ING5: variants seen among roughly 807,000 people sequenced by gnomAD.
ING5 encodes inhibitor of growth protein 5.
In ING5, 17 loss-of-function variants were observed where a neutral mutation model predicts 37.4. The ratio of observed to expected loss-of-function variants is 0.45; its 90% CI spans 0.31 to 0.68. The LOEUF is 0.68. ING5 is among the 30% of genes least tolerant of loss of function. The probability of loss-of-function intolerance (pLI) is 0.05; values close to 1 mark genes in which losing one functional copy is unlikely to be tolerated. For synonymous variants in ING5, 123 were observed against 116.6 expected, an observed-to-expected ratio of 1.06 and a Z score of -0.36; for missense variants, 233 against 311.9, an observed-to-expected ratio of 0.75 and a Z score of 1.91.
exon 1 of ING5, chr2:241,687,407 G>A (rs7597410): frequency 0.6 from 239,955 of 398,820 alleles, 72,702 homozygotes; most frequent in Admixed American, 0.67. Context: ...GGGGCAGGAT[G>A]GGGGGCTGTG....
intron 2 of ING5, among the ~76,000 whole-genome samples, chr2:241,693,087 C>T (rs1331893222): frequency 1.3e-5 from 2 of 151,822 alleles, no homozygotes; most frequent in Non-Finnish European, 1.5e-5. Flanking sequence ...GGTGAAACCC[C>T]GTCTCTACTA....
chr2:241,703,768 G>GA (rs1284437661), intron 1 of ING5, among the ~76,000 whole-genome samples: 2 of 151,956 alleles, frequency 1.3e-5, no homozygotes, highest in African/African-American at 4.8e-5. Context: ...ACCACGCCTG[G>GA]ATAATTTTTG....
chr2:241,719,376 C>G, intron 5 of ING5: 1 of 681,938 alleles, frequency 1.5e-6, no homozygotes, highest in East Asian at 2.7e-5. Flanking sequence ...CCCCCAACAC[C>G]CCCCACTCTG....
chr2:241,695,237 G>A (rs1184782416), intron 2 of ING5, among the ~76,000 whole-genome samples: 1 of 151,886 alleles, frequency 6.6e-6, no homozygotes. Context: ...CGCTGCTACT[G>A]AGACTGCTGT....
At chr2:241,700,062 A>C (rs2069689603), upstream of ING5, among the ~76,000 whole-genome samples, 1 of 151,996 alleles carries the variant, frequency 6.6e-6, no homozygotes. Context: ...GGCTCACTGC[A>C]ACCTCCACGT....
chr2:241,716,959 G>C (rs2070290477), intron 5 of ING5, among the ~76,000 whole-genome samples: 1 of 152,076 alleles, frequency 6.6e-6, no homozygotes, highest in African/African-American at 2.4e-5. Flanking sequence ...TTTACAACAT[G>C]GTGACTACAG....
intron 2 of ING5, among the ~76,000 whole-genome samples, chr2:241,693,652 C>CTTTTTTTTTTTTTTT (rs1185556171): frequency 1.3e-5 from 1 of 78,538 alleles, no homozygotes; most frequent in Non-Finnish European, 2.3e-5. Context: ...AAATACAACT[C>CTTTTTTTTTTTTTTT]TTTTTTTTTT....
intron 7 of ING5, chr2:241,723,875 T>G: frequency 6.8e-7 from 1 of 1,464,716 alleles, no homozygotes; most frequent in Admixed American, 1.7e-5. Context: ...CTGGGCGTGG[T>G]GGTGCGTGCC....
chr2:241,704,577 AAGAC>A (rs756412615), intron 1 of ING5, 72 bp from the exon 2 acceptor site: 142 of 1,237,306 alleles, frequency 1.1e-4, no homozygotes, highest in Non-Finnish European at 1.4e-4. Flanking sequence ...TCAAAAAAAA[AAGAC>A]AGAAAACCTT....
chr2:241,718,400 CCTT>C (rs1333909785), intron 5 of ING5, among the ~76,000 whole-genome samples: 6 of 128,282 alleles, frequency 4.7e-5, no homozygotes, highest in African/African-American at 1.4e-4. Context: ...TTCCTTCCTT[CCTT>C]CTTTTCTCTT....
At chr2:241,722,877 T>C (rs996654893) in intron 5 of ING5, 62 bp from the exon 6 acceptor site, 11 of 1,601,838 alleles carry the variant, frequency 6.9e-6, no homozygotes, top group Non-Finnish European at 8.5e-6. Context: ...GGGCCCGTGG[T>C]GTCCGTGCCG....
intron 1 of ING5, chr2:241,688,110 G>A (rs2069478996): frequency 6.6e-6 from 1 of 152,200 alleles, no homozygotes; most frequent in Non-Finnish European, 1.5e-5. Flanking sequence ...CTATCTATAT[G>A]TGCCATATTG....
chr2:241,702,162 C>T, intron 1 of ING5, 60 bp downstream of exon 1: 2 of 1,073,276 alleles, frequency 1.9e-6, no homozygotes, highest in Non-Finnish European at 2.3e-6. Context: ...GTGCCGCAGC[C>T]CCCCGCGCGC....
At chr2:241,711,024 C>T (rs893548877) in intron 3 of ING5, among the ~76,000 whole-genome samples, 1 of 152,226 alleles carries the variant, frequency 6.6e-6, no homozygotes, top group African/African-American at 2.4e-5. Context: ...GCTGGGATTA[C>T]AGGTGTGAGC....
chr2:241,700,978 C>CTTT (rs71049600), upstream of ING5, among the ~76,000 whole-genome samples: 7 of 140,862 alleles, frequency 5.0e-5, no homozygotes, highest in East Asian at 4.3e-4. Context: ...TTAAAATTTT[C>CTTT]TTTTTTTTTT....
rs538615081 is a variant in ING5 at position 241,712,313 on chromosome 2, C to T, written c.482+242C>T. 12 of 421,956 alleles carry T rather than the reference C, an allele frequency of 2.8e-5. No homozygotes were observed. The East Asian group carries it at 2.9e-4, about 10-fold the overall frequency. 26.1% of individuals were successfully genotyped at this position (421,956 alleles called of 1,614,324 possible). On this transcript the variant is annotated intron_variant, in intron 5 of 7. Transcript: ENST00000313552. ...CCCAGGCTTTAGGGCTGCTGTGGTG[C>T]GGCTGGGCTGCACCTGGAGTCTGAC...
exon 2 of ING5, chr2:241,690,422 C>T: frequency 2.6e-6 from 1 of 391,704 alleles, no homozygotes. Context: ...TCAGTGACAT[C>T]AGGTTGGTCC....
At position 241,695,055 on chromosome 2, in the gene ING5, G is replaced by A. The variant is rs560576875; in HGVS notation, c.43+4402G>A. Among the ~76,000 whole-genome samples the A allele has an allele frequency of 2.7e-5, 4 of 149,130 alleles. No individual in the cohort carries two copies. In the South Asian group the frequency reaches 8.6e-4, roughly 32 times the overall value. The stretch of plus-strand genomic sequence containing the variant: ...ACTGGTAAGACAATGTGGTATTCTT[G>A]CTCCTCCTCCCACTGTTAGTTGTGG... On this transcript the variant is annotated intron_variant, in intron 2 of 7. Transcript: ENST00000636051.
chr2:241,701,996 G>A, upstream of ING5: 1 of 1,172,300 alleles, frequency 8.5e-7, no homozygotes, highest in Non-Finnish European at 1.1e-6. Flanking sequence ...GAGCGCGCTG[G>A]CACCGCCCCG....
Sources: allele counts gnomAD v4.1 joint callset (sites outside exome capture counted in the v4.1 genomes callset), GRCh38; gene constraint gnomAD v4.1.1; transcripts MANE v1.5; gene names NCBI Gene and HGNC (gene_info 2026-07-23, HGNC 2026-07-21).